The following SNTG2 variants were observed in gnomAD, a reference collection of about 807,000 sequenced individuals.
SNTG2 encodes the protein syntrophin gamma 2.
Under a neutral mutation model 70.9 loss-of-function variants are expected in SNTG2, and 74 were observed. The ratio of observed to expected loss-of-function variants is 1.04; its 90% CI spans 0.86 to 1.27. SNTG2 has a LOEUF of 1.27. SNTG2 is among the 50% of genes most tolerant of loss of function. The probability of loss-of-function intolerance (pLI) is 0.00; values close to 1 mark genes in which losing one functional copy is unlikely to be tolerated. For synonymous variants in SNTG2, 278 were observed against 273.8 expected, an observed-to-expected ratio of 1.02 and a Z score of -0.15; for missense variants, 717 against 690.7, an observed-to-expected ratio of 1.04 and a Z score of -0.43.
At chr2:1,360,301 ACCTGTG>A (rs1661068241) in intron 16 of SNTG2, among the ~76,000 whole-genome samples, 4 of 151,932 alleles carry the variant, frequency 2.6e-5, no homozygotes, top group Admixed American at 6.6e-5. Flanking sequence ...CTCTGAGCTC[ACCTGTG>A]CCAGAAAGCT....
At chr2:1,267,281 G>A (rs922988122) in intron 13 of SNTG2, 84 bp from the exon 14 acceptor site, 4 of 1,305,680 alleles carry the variant, frequency 3.1e-6, no homozygotes, top group Non-Finnish European at 2.1e-6. Context: ...TCACGCAAAC[G>A]CTGCCTTCTC....
At chr2:1,365,600 A>G (rs1378938822) in intron 16 of SNTG2, among the ~76,000 whole-genome samples, 1 of 151,988 alleles carries the variant, frequency 6.6e-6, no homozygotes, top group African/African-American at 2.4e-5. Context: ...TCCACTTGGC[A>G]TTAGTGGTAT....
In SNTG2 at chr2:1,125,153, T is replaced by A. The variant is rs181754726; in HGVS notation, c.326-12469T>A. 1.8e-3 allele frequency among the ~76,000 whole-genome samples: 274 copies of A among 152,306 alleles called. 2 individuals are homozygous for A. Among genetic ancestry groups the A allele is most frequent in the Middle Eastern group, 6.8e-3 (2 of 294 alleles). The stretch of plus-strand genomic sequence containing the variant: ...AACACCAGCATTAACCTTCAAATTA[T>A]GTTAAATAAAACTTTTTATTTAAAA... On this transcript the variant is annotated intron_variant, in intron 4 of 16. Transcript: ENST00000308624.
intron 9 of SNTG2, among the ~76,000 whole-genome samples, chr2:1,209,623 G>A (rs779874844): frequency 2.0e-5 from 3 of 152,186 alleles, no homozygotes; most frequent in Non-Finnish European, 4.4e-5. Context: ...TTTTTCTTCA[G>A]TAATAAAATG....
At chr2:1,005,813 ATATATATATATATATAT>A (rs1659546944) in intron 1 of SNTG2, among the ~76,000 whole-genome samples, 1 of 812 alleles carries the variant, frequency 1.2e-3, no homozygotes, top group African/African-American at 4.5e-3. Flanking sequence ...CAAAATATAT[ATATATATATATATATAT>A]ATATATATAT....
chr2:991,970 A>G (rs1264869882), intron 1 of SNTG2, among the ~76,000 whole-genome samples: 2 of 152,200 alleles, frequency 1.3e-5, no homozygotes, highest in African/African-American at 4.8e-5. Flanking sequence ...CAAAAGTGAC[A>G]GAAACATTGA....
In SNTG2 at chr2:1,247,315, A is replaced by AAAAGTT; in HGVS notation, c.889-12_889-11insAAAGTT. 1 of 1,572,620 alleles carries AAAAGTT rather than the reference A, an allele frequency of 6.4e-7. No individual in the cohort carries two copies. Among genetic ancestry groups the AAAAGTT allele is most frequent in the South Asian group, 1.1e-5 (1 of 89,852 alleles). ...CATTAAGGCTTGGTTTGTAATTTTC[A>AAAAGTT]CCCCTCTGCAGGTTGTGCATATGGG... On this transcript the variant is annotated splice_polypyrimidine_tract_variant and intron_variant, in intron 11 of 16. Coordinates refer to ENST00000308624, the MANE Select transcript of SNTG2 (RefSeq NM_018968.4).
At chr2:977,715 C>A (rs950190619) in intron 1 of SNTG2, among the ~76,000 whole-genome samples, 1 of 152,094 alleles carries the variant, frequency 6.6e-6, no homozygotes, top group Non-Finnish European at 1.5e-5. Context: ...CTCACTGTGC[C>A]TCACCTTAAC....
rs549334393 is a variant in SNTG2 at position 1,061,625 on chromosome 2, G to T, written c.73-21893G>T. ...GTGCTTCATGGGATAGCAGGCTCAA[G>T]AAATCATAAAGGAAATTGTGGGTGC... On this transcript the variant is annotated intron_variant, in intron 1 of 16. Transcript: ENST00000308624. 7.4e-4 allele frequency among the ~76,000 whole-genome samples: 113 copies of T among 152,310 alleles called. 2 individuals carry two copies. In the South Asian group the frequency reaches 0.019, roughly 26 times the overall value.
At chr2:1,044,609 AT>A (rs1304501277) in intron 1 of SNTG2, among the ~76,000 whole-genome samples, 2 of 152,134 alleles carry the variant, frequency 1.3e-5, no homozygotes, top group Admixed American at 1.3e-4. Flanking sequence ...AAGATGTTGA[AT>A]TTTATTGAAA....
chr2:1,129,647 T>C lies in SNTG2; in HGVS notation c.326-7975T>C, dbSNP rs1447573818. On this transcript the variant is annotated intron_variant, in intron 4 of 16. Coordinates refer to ENST00000308624, the MANE Select transcript of SNTG2 (RefSeq NM_018968.4). ...ATGTTCCATGTTTTAAATTTAGCAA[T>C]TGTAATATGCATATAACTTACGGCA... Among the ~76,000 whole-genome samples the C allele has an allele frequency of 2.6e-5, 4 of 152,224 alleles. No homozygotes were observed. The East Asian group carries it at 7.7e-4, about 29-fold the overall frequency.
chr2:995,177 A>C (rs529021992), intron 1 of SNTG2, among the ~76,000 whole-genome samples: 1 of 151,958 alleles, frequency 6.6e-6, no homozygotes. Context: ...CTTTCTTCCT[A>C]TGTATATTGT....
rs182419859 is a variant in SNTG2, at chr2:1,192,679, G to A, written c.592-16424G>A. Among the ~76,000 whole-genome samples, 5 of 152,214 alleles carry A rather than the reference G, an allele frequency of 3.3e-5. No homozygotes were observed. In the East Asian group the frequency reaches 9.7e-4, roughly 30 times the overall value. ...GGAAATTTCGAGCTTGCGTTAATCA[G>A]TTGTGTTGCTCCAAGGGAAAACATA... is the stretch of plus-strand genomic sequence containing the variant. On this transcript the variant is annotated intron_variant, in intron 8 of 16. Transcript: ENST00000308624.
intron 14 of SNTG2, among the ~76,000 whole-genome samples, chr2:1,286,103 A>C (rs964384446): frequency 3.3e-5 from 5 of 152,308 alleles, no homozygotes; most frequent in African/African-American, 9.6e-5. Context: ...CTTCCAGTTT[A>C]ATGGAATTGT....
intron 16 of SNTG2, among the ~76,000 whole-genome samples, chr2:1,355,276 G>A (rs925635913): frequency 5.3e-5 from 8 of 152,288 alleles, no homozygotes; most frequent in East Asian, 1.9e-4. Context: ...CGACATCCAC[G>A]TTGCTGTGCA....
intron 1 of SNTG2, among the ~76,000 whole-genome samples, chr2:1,006,874 A>G (rs993596300): frequency 4.6e-5 from 7 of 152,032 alleles, no homozygotes; most frequent in Admixed American, 4.6e-4. Flanking sequence ...TACTAAAAGT[A>G]CAATATTAGC....
rs1011439585 is a variant in SNTG2, at chr2:1,170,273, C to T, written c.500-2819C>T. ...CAGAAAATTCACCGTTTTAAAGTAA[C>T]ACTTCAGCAGTTTTAAATATTTCAC... On this transcript the variant is annotated intron_variant, in intron 7 of 16. Coordinates refer to ENST00000308624, the MANE Select transcript of SNTG2 (RefSeq NM_018968.4). Among the ~76,000 whole-genome samples, 3 of 152,194 alleles carry T rather than the reference C, an allele frequency of 2.0e-5. No individual in the cohort carries two copies. The South Asian group carries it at 6.2e-4, about 32-fold the overall frequency.
At chr2:1,329,481 G>A (rs182074280) in intron 16 of SNTG2, among the ~76,000 whole-genome samples, 32 of 152,278 alleles carry the variant, frequency 2.1e-4, no homozygotes, top group African/African-American at 7.5e-4. Flanking sequence ...GAGAAAGAAA[G>A]TTCTGGTAGC....
chr2:1,350,908 T>C (rs1660539634), intron 16 of SNTG2, among the ~76,000 whole-genome samples: 1 of 152,082 alleles, frequency 6.6e-6, no homozygotes, highest in African/African-American at 2.4e-5. Flanking sequence ...TTTTGTTAAT[T>C]ATTTGTAAGA....
Sources: allele counts gnomAD v4.1 joint callset (sites outside exome capture counted in the v4.1 genomes callset), GRCh38; gene constraint gnomAD v4.1.1; transcripts MANE v1.5; gene names NCBI Gene and HGNC (gene_info 2026-07-23, HGNC 2026-07-21).